Variants in PPP6R3 observed in about 807,000 individuals in gnomAD.
PPP6R3 encodes serine/threonine-protein phosphatase 6 regulatory subunit 3.
PPP6R3 carries 38 observed loss-of-function variants against 110.7 expected under a neutral mutation model. The ratio of observed to expected loss-of-function variants is 0.34; its 90% CI spans 0.26 to 0.45. PPP6R3 has a LOEUF of 0.45. PPP6R3 is among the 20% of genes least tolerant of loss of function. The pLI, the probability that PPP6R3 is intolerant of heterozygous loss-of-function variation, is 1.00. For synonymous variants in PPP6R3, 369 were observed against 373.5 expected (o/e 0.99, Z 0.14); for missense variants, 870 against 1,062.4 (o/e 0.82, Z 2.52).
chr11:68,501,719 A>G (rs1406413264), intron 1 of PPP6R3, among the ~76,000 whole-genome samples: 1 of 152,254 alleles, frequency 6.6e-6, no homozygotes, highest in Non-Finnish European at 1.5e-5. Context: ...GTATCATTCA[A>G]CTTCAAGTAA....
intron 2 of PPP6R3, among the ~76,000 whole-genome samples, chr11:68,521,733 A>G (rs1565580252): frequency 6.6e-6 from 1 of 152,228 alleles, no homozygotes; most frequent in Non-Finnish European, 1.5e-5. Context: ...GAAGGTATTT[A>G]TATACCAAGA....
At chr11:68,542,394 T>TTTTTTTTTTTTTG (rs2099323080) in intron 3 of PPP6R3, among the ~76,000 whole-genome samples, 1 of 95,722 alleles carries the variant, frequency 1.0e-5, no homozygotes, top group Non-Finnish European at 2.2e-5. Flanking sequence ...CTGCTGTTTT[T>TTTTTTTTTTTTTG]TTTTTTTTTT....
At chr11:68,544,003 A>G (rs905347545) in intron 3 of PPP6R3, among the ~76,000 whole-genome samples, 1 of 152,174 alleles carries the variant, frequency 6.6e-6, no homozygotes, top group African/African-American at 2.4e-5. Flanking sequence ...TGGGCCTTCT[A>G]CAGGAGAGAC....
chr11:68,474,820 A>G (rs1467679360), intron 1 of PPP6R3, among the ~76,000 whole-genome samples: 1 of 151,986 alleles, frequency 6.6e-6, no homozygotes, highest in Non-Finnish European at 1.5e-5. Flanking sequence ...TCTTGTCTGT[A>G]TTTTCAAATA....
chr11:68,563,965 A>G (rs556154278), intron 8 of PPP6R3, among the ~76,000 whole-genome samples: 67 of 152,326 alleles, frequency 4.4e-4, no homozygotes, highest in African/African-American at 1.4e-3. Flanking sequence ...GGGGTGCCCT[A>G]TAATCCAGAG....
intron 2 of PPP6R3, among the ~76,000 whole-genome samples, chr11:68,527,617 T>A (rs1349169538): frequency 1.9e-3 from 1 of 524 alleles, no homozygotes; most frequent in Non-Finnish European, 0.016. Context: ...CTGCTTTTGT[T>A]CAGAATTGTT....
intron 17 of PPP6R3, 27 bp downstream of exon 17, chr11:68,590,741 T>TG: frequency 6.5e-7 from 1 of 1,546,672 alleles, no homozygotes; most frequent in Non-Finnish European, 8.8e-7. Flanking sequence ...TTGTGAGCAG[T>TG]GTGGCACATG....
At chr11:68,488,336 TAA>T (rs996340633) in intron 1 of PPP6R3, among the ~76,000 whole-genome samples, 2 of 152,002 alleles carry the variant, frequency 1.3e-5, no homozygotes, top group African/African-American at 4.8e-5. Flanking sequence ...CCCAGCTAAT[TAA>T]AAAAAATTTC....
intron 5 of PPP6R3, among the ~76,000 whole-genome samples, chr11:68,549,508 A>C (rs569237022): frequency 1.0e-3 from 154 of 152,200 alleles, no homozygotes; most frequent in African/African-American, 3.6e-3. Context: ...GGGTGTATCT[A>C]GTGGGTGTCC....
At chr11:68,577,809 C>T (rs1200156816) in intron 14 of PPP6R3, among the ~76,000 whole-genome samples, 1 of 152,192 alleles carries the variant, frequency 6.6e-6, no homozygotes, top group East Asian at 1.9e-4. Context: ...CAGATTGCGT[C>T]TCGGTTCTTC....
At chr11:68,521,115 T>C (rs2099162361) in intron 2 of PPP6R3, among the ~76,000 whole-genome samples, 1 of 152,194 alleles carries the variant, frequency 6.6e-6, no homozygotes, top group Non-Finnish European at 1.5e-5. Flanking sequence ...ATTCACGTCT[T>C]CTGGGGCTCA....
At chr11:68,544,488 A>C (rs2099338715) in intron 3 of PPP6R3, among the ~76,000 whole-genome samples, 1 of 152,194 alleles carries the variant, frequency 6.6e-6, no homozygotes, top group Non-Finnish European at 1.5e-5. Context: ...ATGCCAGAGG[A>C]GGCTGTAGCC....
At chr11:68,567,536 C>T (rs1482906640) in intron 10 of PPP6R3, among the ~76,000 whole-genome samples, 5 of 152,170 alleles carry the variant, frequency 3.3e-5, no homozygotes. Flanking sequence ...ATCTGTATAA[C>T]GTACCTGACG....
At chr11:68,499,490 C>A (rs138804182) in intron 1 of PPP6R3, among the ~76,000 whole-genome samples, 1 of 152,236 alleles carries the variant, frequency 6.6e-6, no homozygotes, top group African/African-American at 2.4e-5. Flanking sequence ...TAAGTGGAAG[C>A]TATCATTTTT....
At chr11:68,534,698 A>G (rs2099260057) in intron 2 of PPP6R3, among the ~76,000 whole-genome samples, 1 of 152,080 alleles carries the variant, frequency 6.6e-6, no homozygotes, top group African/African-American at 2.4e-5. Context: ...TTTCTGATTT[A>G]TTTCTTAGTA....
intron 18 of PPP6R3, among the ~76,000 whole-genome samples, chr11:68,593,444 G>A (rs1459100363): frequency 1.3e-5 from 2 of 152,150 alleles, no homozygotes; most frequent in Non-Finnish European, 2.9e-5. Context: ...CCTATTCATG[G>A]ATGTTTTGGT....
intron 1 of PPP6R3, among the ~76,000 whole-genome samples, chr11:68,463,885 G>A (rs2098726482): frequency 6.6e-6 from 1 of 152,140 alleles, no homozygotes; most frequent in Non-Finnish European, 1.5e-5. Flanking sequence ...CTCTGGGAGT[G>A]GGCAGTGTGC....
intron 3 of PPP6R3, among the ~76,000 whole-genome samples, chr11:68,541,217 CTGTT>C (rs1310629984): frequency 2.0e-5 from 3 of 152,216 alleles, no homozygotes; most frequent in African/African-American, 7.2e-5. Context: ...GCTGGTCCCT[CTGTT>C]TGGGGTCCCT....
chr11:68,488,847 C>T (rs2098965494), intron 1 of PPP6R3: 1 of 152,234 alleles, frequency 6.6e-6, no homozygotes, highest in Middle Eastern at 3.4e-3. Context: ...CCATCTTGAT[C>T]TTGAAGGTGG....
Sources: gnomAD v4.1 joint callset for allele counts (sites outside exome capture counted in the v4.1 genomes callset) on GRCh38, gnomAD v4.1.1 for gene constraint, MANE v1.5 for transcripts, NCBI Gene and HGNC (gene_info 2026-07-23, HGNC 2026-07-21) for gene names.